The following PCDHA2 variants were observed in gnomAD, a reference collection of about 807,000 sequenced individuals.
The protein encoded by PCDHA2 is protocadherin alpha 2.
In PCDHA2, 58 loss-of-function variants were observed where a neutral mutation model predicts 66.0. The observed-to-expected ratio is 0.88, with a 90% CI of 0.71 to 1.09. The LOEUF (loss-of-function observed/expected upper bound fraction) is 1.09, where lower values mean the gene tolerates loss of function less well. PCDHA2 is among the 50% of genes least tolerant of loss of function. The pLI is 0.00. For missense variants in PCDHA2, 1,267 were observed against 1,242.3 expected (o/e 1.02, Z -0.30); for synonymous variants, 634 against 554.0 (o/e 1.14, Z -2.03).
chr5:141,001,022 T>C (rs2097984457), intron 3 of PCDHA2, among the ~76,000 whole-genome samples: 1 of 152,250 alleles, frequency 6.6e-6, no homozygotes, highest in Non-Finnish European at 1.5e-5. Context: ...TATACACTTA[T>C]AATAATAGCT....
intron 1 of PCDHA2, chr5:140,834,458 G>A: frequency 6.2e-7 from 1 of 1,614,178 alleles, no homozygotes; most frequent in Non-Finnish European, 8.5e-7. Context: ...CAGCTTGGGA[G>A]GCAGGGAGAG....
intron 1 of PCDHA2, chr5:140,821,860 C>CAGCT (rs1193043307): frequency 6.2e-7 from 1 of 1,614,076 alleles, no homozygotes; most frequent in Non-Finnish European, 8.5e-7. Context: ...AGGGAGCGGC[C>CAGCT]AGCTCCACTA....
intron 1 of PCDHA2, chr5:140,858,510 T>C: frequency 2.1e-6 from 3 of 1,437,158 alleles, no homozygotes; most frequent in African/African-American, 1.4e-5. Flanking sequence ...TTCTCAAATA[T>C]GTATCAGAAT....
chr5:140,859,326 A>G (rs2045811679), intron 1 of PCDHA2: 1 of 227,460 alleles, frequency 4.4e-6, no homozygotes, highest in East Asian at 1.7e-4. Context: ...GTTTGAGGAG[A>G]AAATAAAATT....
At chr5:140,870,069 A>G (rs376226695) in intron 1 of PCDHA2, 43 of 1,613,780 alleles carry the variant, frequency 2.7e-5, no homozygotes, top group Non-Finnish European at 3.4e-5. Flanking sequence ...TACAGGCTAC[A>G]GATAAGGGGA....
At chr5:140,803,573 C>T (rs1351607686) in intron 1 of PCDHA2, 4 of 1,614,074 alleles carry the variant, frequency 2.5e-6, no homozygotes, top group South Asian at 1.1e-5. Context: ...AGGATGTGGA[C>T]GTTGATCTCT....
In PCDHA2 at chr5:140,852,849, T is replaced by G. The variant is rs1421796229; in HGVS notation, c.2388+55497T>G. Reference sequence around the variant, plus strand: ...CAGTCTCCTTAGAGCTAGTACTTACTAAGCATTTACTATGTCATCAATAAT... The same window carrying G: ...CAGTCTCCTTAGAGCTAGTACTTACGAAGCATTTACTATGTCATCAATAAT... On this transcript the variant is annotated intron_variant, in intron 1 of 3. Transcript: ENST00000526136. 3.1e-6 allele frequency: 3 copies of G among 967,454 alleles called. 1 individual carries two copies. Among genetic ancestry groups the G allele is most frequent in the East Asian group, 1.1e-4 (1 of 8,764 alleles). 59.9% of individuals were successfully genotyped at this position (967,454 alleles called of 1,614,324 possible).
chr5:140,809,517 C>T, intron 1 of PCDHA2: 1 of 1,614,190 alleles, frequency 6.2e-7, no homozygotes, highest in African/African-American at 1.3e-5. Context: ...CCCAGTTTAC[C>T]TGACTCTAGG....
chr5:140,953,536 A>G (rs2094900021), intron 1 of PCDHA2, among the ~76,000 whole-genome samples: 1 of 152,124 alleles, frequency 6.6e-6, no homozygotes, highest in Non-Finnish European at 1.5e-5. Flanking sequence ...AACTCACTTC[A>G]TGCTGATTCT....
At chr5:140,822,648 A>C (rs1554128795) in intron 1 of PCDHA2, 2 of 1,609,920 alleles carry the variant, frequency 1.2e-6, no homozygotes, top group Non-Finnish European at 1.7e-6. Flanking sequence ...TAAAGTCCAA[A>C]TTTATAATTA....
At chr5:140,856,168 C>G in intron 1 of PCDHA2, 1 of 1,598,314 alleles carries the variant, frequency 6.3e-7, no homozygotes, top group Non-Finnish European at 8.6e-7. Context: ...AGGCCAGACA[C>G]GGCACCTTCG....
intron 1 of PCDHA2, chr5:140,851,710 G>C: frequency 1.0e-6 from 1 of 958,600 alleles, no homozygotes; most frequent in Non-Finnish European, 1.3e-6. Context: ...GCCATGTGAA[G>C]ATTCGAAACT....
chr5:140,828,973 C>T (rs2150161482), intron 1 of PCDHA2: 4 of 1,614,140 alleles, frequency 2.5e-6, no homozygotes, highest in East Asian at 4.5e-5. Flanking sequence ...ACCACTTTAG[C>T]ATAGATCGAA....
intron 1 of PCDHA2, chr5:140,929,189 A>C (rs782622519): frequency 3.1e-6 from 5 of 1,614,180 alleles, no homozygotes; most frequent in Non-Finnish European, 3.4e-6. Context: ...GGTTCTGATA[A>C]TAACAGTTTG....
At position 141,009,807 on chromosome 5, in the gene PCDHA2, T is replaced by C. The variant is rs1554262456; in HGVS notation, c.2717T>C (p.Ile906Thr). ...CGGCAGGAGCCTACTAACAGCCAAA[T>C]TGACAAAAGTGACTTCATAACCTTC... is the stretch of plus-strand genomic sequence containing the variant. ...SIRQEPTNSQIDKSDFITFGK... is the reference protein window; with the variant it reads ...SIRQEPTNSQTDKSDFITFGK... Residue 906 changes from isoleucine to threonine, a missense_variant, in exon 4 of 4, where the codon ATT (isoleucine) becomes ACT (threonine). Ile to Thr is a moderately conservative substitution (Grantham distance 89). Transcript: ENST00000526136. 9.9e-6 allele frequency: 16 copies of C among 1,613,824 alleles called. No homozygotes were observed. Among genetic ancestry groups the C allele is most frequent in the South Asian group, 1.1e-5 (1 of 91,066 alleles).
chr5:140,809,877 A>C, intron 1 of PCDHA2: 1 of 248,142 alleles, frequency 4.0e-6, no homozygotes, highest in South Asian at 7.6e-5. Flanking sequence ...CTATTATTTA[A>C]CCTATTACAT....
At chr5:140,802,619 C>T (rs1554122248) in intron 1 of PCDHA2, 2 of 1,614,010 alleles carry the variant, frequency 1.2e-6, no homozygotes, top group Non-Finnish European at 8.5e-7. Context: ...GCTGCCACAT[C>T]TTCACGGTGT....
At chr5:140,836,558 GC>G (rs1274646840) in intron 1 of PCDHA2, 7 of 1,613,642 alleles carry the variant, frequency 4.3e-6, no homozygotes, top group Non-Finnish European at 5.9e-6. Flanking sequence ...GGTGCTCAGC[GC>G]CGTCCTCTGA....
rs2150264358 is a variant in PCDHA2 at position 140,836,572 on chromosome 5, G to A, written c.2388+39220G>A. On this transcript the variant is annotated intron_variant, in intron 1 of 3. Transcript: ENST00000526136. ...CGGTGCTCAGCGCCGTCCTCTGAGG[G>A]CGCATGTAGTTTGGTAAAGCCCACT... is the stretch of plus-strand genomic sequence containing the variant. The A allele has an allele frequency of 1.9e-6, 3 of 1,613,740 alleles. No homozygotes were observed. The highest frequency in any genetic ancestry group is 4.5e-5 in the East Asian group (2 of 44,838).
Sources: allele counts gnomAD v4.1 joint callset (sites outside exome capture counted in the v4.1 genomes callset), GRCh38; gene constraint gnomAD v4.1.1; transcripts MANE v1.5; gene names NCBI Gene and HGNC (gene_info 2026-07-23, HGNC 2026-07-21).